The following LINGO1 variants were observed in gnomAD, a reference collection of about 807,000 sequenced individuals.
The protein encoded by LINGO1 is leucine-rich repeat and immunoglobulin-like domain-containing nogo receptor-interacting protein 1.
In LINGO1, 11 loss-of-function variants were observed where a neutral mutation model predicts 37.3. The ratio of observed to expected loss-of-function variants is 0.29; its 90% CI spans 0.19 to 0.49. The LOEUF is 0.49. Ranked by LOEUF, LINGO1 falls within the 20% of genes least tolerant of loss-of-function variation. The pLI, the probability that LINGO1 is intolerant of heterozygous loss-of-function variation, is 0.99. For synonymous variants in LINGO1, 387 were observed against 403.0 expected (o/e 0.96, Z 0.48); for missense variants, 585 against 878.2 (o/e 0.67, Z 4.22).
chr15:77,660,459 A>T (rs1316984661), intron 3 of LINGO1, among the ~76,000 whole-genome samples: 1 of 151,906 alleles, frequency 6.6e-6, no homozygotes, highest in Non-Finnish European at 1.5e-5. Flanking sequence ...CTGGGGGGAG[A>T]GCAGAGTCTC....
chr15:77,720,098 AC>A, intron 2 of LINGO1, among the ~76,000 whole-genome samples: 2 of 145,808 alleles, frequency 1.4e-5, no homozygotes, highest in African/African-American at 5.0e-5. Flanking sequence ...ACACACCACC[AC>A]CCCCTTGGCT....
Position 77,614,088 on chromosome 15 carries a change from T to C in LINGO1, c.1819A>G (p.Ser607Gly), listed in dbSNP as rs779305547. 4 of 1,613,108 alleles carry C rather than the reference T, an allele frequency of 2.5e-6. No individual in the cohort carries two copies. The South Asian group carries it at 3.3e-5, about 13-fold the overall frequency. ...YVPRKSDAGI[S>G]SADAPRKFNM... is the part of the protein sequence containing the mutation. ...AACTTGCGGGGCGCGTCGGCGGAGC[T>C]GATGCCTGCGTCCGACTTTCGGGGC... Residue 607 changes from serine (S) to glycine (G), a missense_variant, in exon 2 of 2, where the codon AGC becomes GGC. By Grantham distance (56) the Ser-to-Gly change is moderately conservative. This residue lies in a region of LINGO1 where 34 missense variants were observed against 62.0 expected (regional missense o/e 0.55). Transcript: ENST00000355300.
Position 77,615,039 on chromosome 15 carries a change from G to A in LINGO1, c.868C>T (p.Arg290Cys), listed in dbSNP as rs767873726. The A allele has an allele frequency of 2.4e-5, 39 of 1,613,904 alleles. No individual in the cohort carries two copies. The highest frequency in any genetic ancestry group is 8.3e-5 in the Admixed American group (5 of 60,008). ...GGGTTGTAGGAGAGGTTGAGGAAGC[G>A]GAGATAGACTAGGTGGCGGACGGCC... The part of the protein sequence containing the change: ...YLAVRHLVYL[R>C]FLNLSYNPIS... Residue 290 changes from arginine to cysteine, a missense_variant, in exon 2 of 2, where the codon CGC (arginine) becomes TGC (cysteine). Physicochemically the swap from Arg to Cys is radical, Grantham distance 180. Transcript: ENST00000355300.
At chr15:77,655,404 T>G (rs1376883986) in intron 3 of LINGO1, among the ~76,000 whole-genome samples, 1 of 152,022 alleles carries the variant, frequency 6.6e-6, no homozygotes, top group Non-Finnish European at 1.5e-5. Flanking sequence ...TCTGCCAGGA[T>G]AGCCCCTCCC....
intron 1 of LINGO1, among the ~76,000 whole-genome samples, chr15:77,760,930 TTTTTTTTTTTTTTG>T (rs1596199206): frequency 8.0e-5 from 7 of 88,008 alleles, no homozygotes; most frequent in Admixed American, 2.5e-4. Context: ...TTTTTTTTTT[TTTTTTTTTTTTTTG>T]GAGACAAGGT....
chr15:77,688,300 A>G (rs1160533406), intron 2 of LINGO1, among the ~76,000 whole-genome samples: 2 of 152,250 alleles, frequency 1.3e-5, no homozygotes, highest in African/African-American at 4.8e-5. Context: ...GTCTGCTGGC[A>G]AGACACATGG....
intron 2 of LINGO1, among the ~76,000 whole-genome samples, chr15:77,712,383 A>G (rs1025529575): frequency 2.6e-5 from 4 of 152,000 alleles, no homozygotes; most frequent in Admixed American, 1.3e-4. Flanking sequence ...GTCCATCAGC[A>G]TAATGGATGC....
chr15:77,615,215 C>T lies in LINGO1; in HGVS notation c.692G>A (p.Arg231Gln), dbSNP rs779531033. The T allele has an allele frequency of 4.9e-5, 79 of 1,613,588 alleles. No homozygotes were observed. The Middle Eastern group carries it at 6.6e-4, about 13-fold the overall frequency. The stretch of plus-strand genomic sequence containing the variant: ...GTACAGCCTCTTGAAGGAGTAGTCC[C>T]GGATGGCATTGATGTTGAGGTGCCG... The part of the protein sequence containing the change: ...RLRHLNINAI[R>Q]DYSFKRLYRL... Residue 231 changes from arginine to glutamine, a missense_variant, in exon 2 of 2, where the codon CGG becomes CAG. Coordinates refer to ENST00000355300, the MANE Select transcript of LINGO1 (RefSeq NM_032808.7).
In LINGO1 at chr15:77,664,164, T is replaced by TGCGCGCGC. The variant is rs1161696784; in HGVS notation, c.-13+12924_-13+12925insGCGCGCGC. On this transcript the variant is annotated intron_variant, in intron 3 of 3. Coordinates refer to the LINGO1 transcript ENST00000559893. Reference sequence around the variant, plus strand: ...GTGTGTGTGTGTGTGTGTGTGTGTGTGTGTGTGCGCGCGCGCATGCGTTTG... The same window carrying TGCGCGCGC: ...GTGTGTGTGTGTGTGTGTGTGTGTGTGCGCGCGCGTGTGTGCGCGCGCGCATGCGTTTG... 9.9e-3 allele frequency among the ~76,000 whole-genome samples: 1,064 copies of TGCGCGCGC among 107,942 alleles called. 12 individuals carry two copies. The highest frequency in any genetic ancestry group is 0.017 in the East Asian group (74 of 4,362). The allele number at this position is 107,942 out of a possible 152,430, so 70.8% of individuals were successfully genotyped here.
At chr15:77,763,108 C>T (rs984323913) in intron 1 of LINGO1, among the ~76,000 whole-genome samples, 4 of 152,210 alleles carry the variant, frequency 2.6e-5, no homozygotes, top group African/African-American at 7.2e-5. Flanking sequence ...ATAATTAAGA[C>T]GGGATGTTTG....
intron 2 of LINGO1, among the ~76,000 whole-genome samples, chr15:77,794,440 A>G (rs1479615916): frequency 1.8e-5 from 1 of 56,426 alleles, no homozygotes; most frequent in East Asian, 5.0e-4. Context: ...ATATACATAC[A>G]TATATACGTA....
rs1428950171 is a variant in LINGO1 at position 77,666,736 on chromosome 15, T to C, written c.-13+10353A>G. 3.9e-5 allele frequency among the ~76,000 whole-genome samples: 6 copies of C among 152,210 alleles called. No homozygotes were observed. The East Asian group carries it at 7.7e-4, about 20-fold the overall frequency. Reference sequence around the variant, plus strand: ...GTATATTTGCTCCATAGCATTGTTATGAAGATCAAATGCTTGTAAGATGCT... The same window carrying C: ...GTATATTTGCTCCATAGCATTGTTACGAAGATCAAATGCTTGTAAGATGCT... On this transcript the variant is annotated intron_variant, in intron 3 of 3. Coordinates refer to the LINGO1 transcript ENST00000559893.
At chr15:77,746,738 T>G (rs1293101897) in intron 1 of LINGO1, among the ~76,000 whole-genome samples, 1 of 152,080 alleles carries the variant, frequency 6.6e-6, no homozygotes, top group Non-Finnish European at 1.5e-5. Context: ...CAGGAAGAAA[T>G]AAATCCAGAG....
At chr15:77,737,324 A>G (rs2076212763) in intron 1 of LINGO1, among the ~76,000 whole-genome samples, 2 of 152,248 alleles carry the variant, frequency 1.3e-5, no homozygotes, top group Middle Eastern at 3.4e-3. Context: ...AGAAAAGGAG[A>G]CTGGCTCAGA....
intron 2 of LINGO1, among the ~76,000 whole-genome samples, chr15:77,714,863 T>C (rs556243668): frequency 2.0e-5 from 3 of 152,368 alleles, no homozygotes; most frequent in Admixed American, 2.0e-4. Context: ...GACATGATCA[T>C]TTCCCCACGT....
intron 3 of LINGO1, among the ~76,000 whole-genome samples, chr15:77,655,203 A>G (rs1198112859): frequency 6.6e-6 from 1 of 152,176 alleles, no homozygotes; most frequent in East Asian, 1.9e-4. Context: ...TCCTGGAAGG[A>G]GGGCTGGTTG....
At chr15:77,789,094 T>C (rs1463367061), upstream of LINGO1, among the ~76,000 whole-genome samples, 1 of 141,416 alleles carries the variant, frequency 7.1e-6, no homozygotes, top group Admixed American at 7.0e-5. Flanking sequence ...AGGCTGCCAG[T>C]GGACAGTTCA....
At chr15:77,775,336 G>T (rs1192068773) in intron 1 of LINGO1, among the ~76,000 whole-genome samples, 1 of 152,166 alleles carries the variant, frequency 6.6e-6, no homozygotes, top group African/African-American at 2.4e-5. Flanking sequence ...CAAGTTTGGG[G>T]CAAGGCTTCC....
At chr15:77,812,991 G>C (rs977715249) in intron 1 of LINGO1, among the ~76,000 whole-genome samples, 3 of 152,232 alleles carry the variant, frequency 2.0e-5, no homozygotes, top group African/African-American at 7.2e-5. Flanking sequence ...CCCCAAGGGA[G>C]GCACTGCATG....
Sources: gnomAD v4.1 joint callset for allele counts (sites outside exome capture counted in the v4.1 genomes callset) on GRCh38, gnomAD v4.1.1 for gene constraint, gnomAD v4.1.1 regional missense constraint, MANE v1.5 for transcripts, NCBI Gene and HGNC (gene_info 2026-07-23, HGNC 2026-07-21) for gene names.